Variants in ARHGAP39 observed in about 807,000 individuals in gnomAD.
The protein encoded by ARHGAP39 is Rho GTPase activating protein 39, also known as rho GTPase-activating protein 39.
In ARHGAP39, 44 loss-of-function variants were observed where a neutral mutation model predicts 106.9. That is an observed-to-expected ratio of 0.41 (90% CI 0.32 to 0.53). ARHGAP39 has a LOEUF of 0.53. Among genes scored for constraint, ARHGAP39 ranks in the 20% least tolerant of loss-of-function variants. ARHGAP39 has a pLI of 0.21. For synonymous variants in ARHGAP39, 768 were observed against 693.2 expected, an observed-to-expected ratio of 1.11 and a Z score of -1.69; for missense variants, 1,496 against 1,577.3, an observed-to-expected ratio of 0.95 and a Z score of 0.87.
chr8:144,647,423 C>T lies in ARHGAP39; in HGVS notation c.-82+38263G>A, dbSNP rs556496357. Among the ~76,000 whole-genome samples, 2 of 152,334 alleles carry T rather than the reference C, an allele frequency of 1.3e-5. No individual in the cohort carries two copies. The highest frequency in any genetic ancestry group is 2.1e-4 in the South Asian group (1 of 4,820). The stretch of plus-strand genomic sequence containing the variant: ...AGAGTCCCTGAGACTTCCCCACAGG[C>T]ACCATGGGCTTGAGTCCTGTGCTCA... On this transcript the variant is annotated intron_variant, in intron 1 of 11. Transcript: ENST00000377307. This position sits in a 1 kb window ranked among gnomAD's most constrained non-coding sequence, Gnocchi z 4.8.
chr8:144,659,956 C>T (rs1402901925), intron 1 of ARHGAP39, among the ~76,000 whole-genome samples: 1 of 152,188 alleles, frequency 6.6e-6, no homozygotes, highest in Non-Finnish European at 1.5e-5. Context: ...CTCCCAAATG[C>T]CAGGTTCACC....
At chr8:144,627,752 T>C (rs1048878109) in intron 1 of ARHGAP39, among the ~76,000 whole-genome samples, 1 of 152,080 alleles carries the variant, frequency 6.6e-6, no homozygotes, top group African/African-American at 2.4e-5. Context: ...AGCAAGACCC[T>C]GTCTCAAAAA....
intron 3 of ARHGAP39, among the ~76,000 whole-genome samples, chr8:144,567,071 G>A (rs779394629): frequency 1.1e-4 from 17 of 152,208 alleles, no homozygotes; most frequent in Non-Finnish European, 1.9e-4. Flanking sequence ...TGGGCGGCAA[G>A]CCACCCAGGT....
chr8:144,555,107 C>T (rs1444063343), intron 4 of ARHGAP39, among the ~76,000 whole-genome samples: 1 of 152,240 alleles, frequency 6.6e-6, no homozygotes, highest in East Asian at 1.9e-4. Flanking sequence ...GCAGTAGGGT[C>T]TTGAGGGTGG....
intron 2 of ARHGAP39, among the ~76,000 whole-genome samples, chr8:144,601,959 G>A (rs572719917): frequency 7.1e-6 from 1 of 141,686 alleles, no homozygotes; most frequent in African/African-American, 2.7e-5. Flanking sequence ...TCGTGTACCT[G>A]TGTTCATGTG....
At chr8:144,672,933 G>A (rs890362077) in intron 1 of ARHGAP39, among the ~76,000 whole-genome samples, 3 of 152,148 alleles carry the variant, frequency 2.0e-5, no homozygotes, top group Admixed American at 1.3e-4. Context: ...ACGCTGATCA[G>A]GGGCCAGGCA....
At chr8:144,624,474 G>A (rs533892977) in intron 1 of ARHGAP39, among the ~76,000 whole-genome samples, 1 of 152,228 alleles carries the variant, frequency 6.6e-6, no homozygotes, top group Non-Finnish European at 1.5e-5. Context: ...GTGAAGACTC[G>A]CCTGTGTGGC....
Position 144,555,444 on chromosome 8 carries a change from C to T in ARHGAP39, c.596+116G>A, listed in dbSNP as rs1817879670. 1.1e-5 allele frequency: 10 copies of T among 940,524 alleles called. No individual in the cohort carries two copies. In the East Asian group the frequency reaches 2.4e-4, roughly 23 times the overall value. 58.3% of individuals were successfully genotyped at this position (940,524 alleles called of 1,614,324 possible). On this transcript the variant is annotated intron_variant, in intron 4 of 11. Coordinates refer to ENST00000377307, the MANE Select transcript of ARHGAP39 (RefSeq NM_025251.3). ...CCTGTGGCCTCCACGGCCTTTCCAGCTCTGGGTCTGTGGTGTTGCTGCTAC... is the reference window on the plus strand; with the variant it reads ...CCTGTGGCCTCCACGGCCTTTCCAGTTCTGGGTCTGTGGTGTTGCTGCTAC...
rs1816546689 is a variant in ARHGAP39, at chr8:144,529,277, C to T, written c.*1145G>A. 1 of 206,800 alleles carries T rather than the reference C, an allele frequency of 4.8e-6. No homozygotes were observed. Among genetic ancestry groups the T allele is most frequent in the Non-Finnish European group, 9.6e-6 (1 of 104,270 alleles). The allele number at this position is 206,800 out of a possible 1,614,324, so 12.8% of individuals were successfully genotyped here. On this transcript the variant is annotated 3_prime_UTR_variant, in exon 12 of 12. Coordinates refer to ENST00000377307, the MANE Select transcript of ARHGAP39 (RefSeq NM_025251.3). ...GGGCGGGACCGCAAAGGCCCCGGGA[C>T]CACCCGACTGAGGACGCCGCCCAGG... is the stretch of plus-strand genomic sequence containing the variant.
At position 144,546,941 on chromosome 8, in the gene ARHGAP39, G is replaced by A. The variant is rs113113273; in HGVS notation, c.1959+186C>T. Among the ~76,000 whole-genome samples, 767 of 152,296 alleles carry A rather than the reference G, an allele frequency of 5.0e-3. 3 individuals carry two copies. Among genetic ancestry groups the A allele is most frequent in the African/African-American group, 0.012 (505 of 41,572 alleles). On this transcript the variant is annotated intron_variant, in intron 5 of 11. Transcript: ENST00000377307. ...AGCCCACACCCCACGGGGCCTCCTC[G>A]TGGACTCCCAGCTGAGCCCTGACAG...
At chr8:144,590,205 ATTGACACT>A (rs1484791442) in intron 2 of ARHGAP39, among the ~76,000 whole-genome samples, 2 of 152,156 alleles carry the variant, frequency 1.3e-5, no homozygotes, top group Non-Finnish European at 2.9e-5. Flanking sequence ...GGAAGATGCC[ATTGACACT>A]GTGCTCGGGG....
At chr8:144,628,569 T>C (rs1047913268) in intron 1 of ARHGAP39, among the ~76,000 whole-genome samples, 3 of 152,072 alleles carry the variant, frequency 2.0e-5, no homozygotes, top group African/African-American at 7.2e-5. Context: ...AGTGGGAGAT[T>C]TAAAACCGTC....
intron 3 of ARHGAP39, among the ~76,000 whole-genome samples, chr8:144,567,068 C>T (rs569560529): frequency 1.3e-5 from 2 of 152,178 alleles, no homozygotes; most frequent in Admixed American, 6.5e-5. Context: ...ATGTGGGCGG[C>T]AAGCCACCCA....
At chr8:144,530,642 G>A (rs1177975001) in intron 11 of ARHGAP39, 26 bp from the exon 12 acceptor site, 1 of 1,540,362 alleles carries the variant, frequency 6.5e-7, no homozygotes. Flanking sequence ...GGGTGGGCGC[G>A]GAGGGGCGGG....
intron 1 of ARHGAP39, among the ~76,000 whole-genome samples, chr8:144,651,891 C>G (rs561361632): frequency 6.6e-6 from 1 of 151,952 alleles, no homozygotes; most frequent in Non-Finnish European, 1.5e-5. Context: ...GAACGAATGG[C>G]AAACCCTTAC....
chr8:144,624,444 C>T (rs1485942372), intron 1 of ARHGAP39, among the ~76,000 whole-genome samples: 2 of 152,266 alleles, frequency 1.3e-5, no homozygotes, highest in Non-Finnish European at 2.9e-5. Flanking sequence ...AATCACACCC[C>T]AATCTCCTTC....
At chr8:144,565,712 A>G (rs1439894422) in intron 3 of ARHGAP39, among the ~76,000 whole-genome samples, 1 of 151,958 alleles carries the variant, frequency 6.6e-6, no homozygotes, top group Admixed American at 6.6e-5. Flanking sequence ...AAGAAAATGG[A>G]AATTATCCCA....
In ARHGAP39 at chr8:144,674,502, G is replaced by A. The variant is rs146731868; in HGVS notation, c.-82+11184C>T. 2.2e-3 allele frequency among the ~76,000 whole-genome samples: 332 copies of A among 152,284 alleles called. 4 individuals carry two copies. The highest frequency in any genetic ancestry group is 3.2e-3 in the African/African-American group (135 of 41,550). ...AGAAAGTATGTGCTGAATGGTTCAC[G>A]GGTGGCCATGGGCAGGCCCAGAAAA... On this transcript the variant is annotated intron_variant, in intron 1 of 11. Coordinates refer to ENST00000377307, the MANE Select transcript of ARHGAP39 (RefSeq NM_025251.3).
Position 144,594,415 on chromosome 8 carries a change from C to T in ARHGAP39, c.80+11120G>A, listed in dbSNP as rs189975683. ...TTCCTCAAAAAATCAAACATACCGG[C>T]CAGGCGCAGTGGCTCATGCCTGTAA... On this transcript the variant is annotated intron_variant, in intron 2 of 11. Coordinates refer to ENST00000377307, the MANE Select transcript of ARHGAP39 (RefSeq NM_025251.3). 5.3e-3 allele frequency among the ~76,000 whole-genome samples: 809 copies of T among 152,264 alleles called. 5 individuals are homozygous for T. The highest frequency in any genetic ancestry group is 0.018 in the African/African-American group (738 of 41,544).
Sources: gnomAD v4.1 joint callset for allele counts (sites outside exome capture counted in the v4.1 genomes callset) on GRCh38, gnomAD v4.1.1 for gene constraint, Gnocchi (gnomAD v3.1) non-coding constraint, MANE v1.5 for transcripts, NCBI Gene and HGNC (gene_info 2026-07-23, HGNC 2026-07-21) for gene names.